Variants in RAB9A observed in about 807,000 individuals in gnomAD.
RAB9A encodes the protein RAB9A, member RAS oncogene family.
A neutral mutation model predicts 10.3 loss-of-function variants in RAB9A; 1 was observed. The observed-to-expected ratio is 0.10, with a 90% CI of 0.03 to 0.46. The LOEUF (loss-of-function observed/expected upper bound fraction) is 0.46. Among genes scored for constraint, RAB9A ranks in the 20% least tolerant of loss-of-function variants. The pLI, the probability that RAB9A is intolerant of heterozygous loss-of-function variation, is 0.96. For synonymous variants in RAB9A, 39 were observed against 55.2 expected (o/e 0.71, Z 1.30); for missense variants, 92 against 150.3 (o/e 0.61, Z 2.03).
chrX:13,692,587 T>G (rs1479661771), intron 1 of RAB9A, among the ~76,000 whole-genome samples: 2 of 112,302 alleles, frequency 1.8e-5, no homozygotes, highest in Non-Finnish European at 3.8e-5. Flanking sequence ...AATTTTTTAA[T>G]GGCTTTTCCA....
chrX:13,695,871 CTA>C (rs2061614748), intron 1 of RAB9A, among the ~76,000 whole-genome samples: 1 of 111,089 alleles, frequency 9.0e-6, no homozygotes, highest in African/African-American at 3.3e-5. Context: ...AGGGAGCTGT[CTA>C]TGTTGAAGAA....
chrX:13,709,133 C>T lies in RAB9A; in HGVS notation c.387C>T (p.Ser129=), dbSNP rs1204526011. Residue 129 remains serine, a synonymous_variant, in exon 3 of 3, where the codon AGC becomes AGT. Coordinates refer to ENST00000464506, the MANE Select transcript of RAB9A (RefSeq NM_004251.5). ...TTCTGGGTAACAAGATTGACATAAGCGAACGGCAGGTGTCTACAGAAGAAG... is the reference window on the plus strand; with the variant it reads ...TTCTGGGTAACAAGATTGACATAAGTGAACGGCAGGTGTCTACAGAAGAAG... ...FVILGNKIDI[S]ERQVSTEEAQ... is the part of the protein sequence containing the mutation. The T allele has an allele frequency of 8.3e-6, 10 of 1,209,851 alleles. No homozygotes were observed. Among genetic ancestry groups the T allele is most frequent in the Admixed American group, 4.4e-5 (2 of 45,688 alleles).
intron 1 of RAB9A, among the ~76,000 whole-genome samples, chrX:13,698,190 C>CTTTTTTTTTTTTTTTTTTT (rs67802719): frequency 5.2e-5 from 2 of 38,351 alleles, no homozygotes; most frequent in Non-Finnish European, 9.3e-5. Flanking sequence ...TCTTTTTTTT[C>CTTTTTTTTTTTTTTTTTTT]TTTTTTTTTT....
chrX:13,697,609 A>C (rs1025301413), intron 1 of RAB9A, among the ~76,000 whole-genome samples: 2 of 112,263 alleles, frequency 1.8e-5, no homozygotes, highest in African/African-American at 6.5e-5. Context: ...TTTATGGTCA[A>C]AGTGTGATAT....
intron 1 of RAB9A, among the ~76,000 whole-genome samples, chrX:13,696,925 T>C (rs950999611): frequency 1.3e-4 from 15 of 112,103 alleles, no homozygotes; most frequent in African/African-American, 4.5e-4. Flanking sequence ...CTGAACTTGA[T>C]GAAGAGCTGC....
Position 13,708,492 on chromosome X carries a change from G to A in RAB9A, c.-26-229G>A, listed in dbSNP as rs1305684903. ...CTTGGGCTTGAGTGCCAGCTTCACA[G>A]TCAACTGTGACCTGAGAAAAGGGAA... On this transcript the variant is annotated intron_variant, in intron 2 of 2. Transcript: ENST00000464506. 4.5e-5 allele frequency among the ~76,000 whole-genome samples: 5 copies of A among 111,312 alleles called. No homozygotes were observed. In the East Asian group the frequency reaches 1.4e-3, roughly 31 times the overall value.
chrX:13,704,449 C>G (rs2046188415), intron 2 of RAB9A, among the ~76,000 whole-genome samples: 1 of 111,448 alleles, frequency 9.0e-6, no homozygotes. Flanking sequence ...AGATACTGTA[C>G]TTTAACATTT....
rs999197916 is a variant in RAB9A, at chrX:13,708,011, C to T, written c.-26-710C>T. On this transcript the variant is annotated intron_variant, in intron 2 of 2. Transcript: ENST00000464506. ...AACACCATCACTGTGCACTGAAGGG[C>T]TGTTTGAAGTTGTTAAGAGAAACAT... 4.5e-5 allele frequency among the ~76,000 whole-genome samples: 5 copies of T among 111,051 alleles called. No individual in the cohort carries two copies. In the East Asian group the frequency reaches 1.4e-3, roughly 32 times the overall value.
At position 13,710,044 on chromosome X, in the gene RAB9A, T is replaced by A. The variant is rs1371016922; in HGVS notation, c.*692T>A. ...CAGTCTGTAATACATCCAGCTAAAT[T>A]CAAGTTGTCTATGAATGGAAAGCCT... On this transcript the variant is annotated 3_prime_UTR_variant, in exon 3 of 3. Transcript: ENST00000464506. The A allele has an allele frequency of 8.1e-6, 1 of 123,460 alleles. No individual in the cohort carries two copies. Among genetic ancestry groups the A allele is most frequent in the Non-Finnish European group, 1.9e-5 (1 of 53,340 alleles). The allele number at this position is 123,460 out of a possible 1,213,427, so 10.2% of individuals were successfully genotyped here.
chrX:13,690,059 C>T (rs4528031), intron 1 of RAB9A, among the ~76,000 whole-genome samples: 49,693 of 106,565 alleles, frequency 0.47, 8,867 homozygotes, highest in South Asian at 0.67. Context: ...GGCACGTGAC[C>T]ACAATCTTTT....
chrX:13,690,362 G>A (rs2046115238), intron 1 of RAB9A, among the ~76,000 whole-genome samples: 1 of 112,294 alleles, frequency 8.9e-6, no homozygotes, highest in Non-Finnish European at 1.9e-5. Context: ...AGACAATGCT[G>A]TGGCAGTCTG....
At chrX:13,694,785 G>A (rs1419326571) in intron 1 of RAB9A, among the ~76,000 whole-genome samples, 3 of 111,717 alleles carry the variant, frequency 2.7e-5, no homozygotes, top group South Asian at 3.7e-4. Context: ...ATCAAAGTCC[G>A]TTTTTAATTC....
At chrX:13,702,609 G>T (rs1418596056) in intron 1 of RAB9A, among the ~76,000 whole-genome samples, 4 of 111,976 alleles carry the variant, frequency 3.6e-5, no homozygotes, top group African/African-American at 1.3e-4. Context: ...ATGGACTCAG[G>T]CAACTCCGTA....
At chrX:13,695,573 C>T (rs993061050) in intron 1 of RAB9A, among the ~76,000 whole-genome samples, 5 of 111,907 alleles carry the variant, frequency 4.5e-5, no homozygotes, top group African/African-American at 1.3e-4. Context: ...ATAGGTAGTG[C>T]GAAAAGTGGA....
intron 1 of RAB9A, among the ~76,000 whole-genome samples, chrX:13,697,610 A>G (rs2046152941): frequency 8.9e-6 from 1 of 112,316 alleles, no homozygotes; most frequent in Admixed American, 9.4e-5. Flanking sequence ...TTATGGTCAA[A>G]GTGTGATATT....
chrX:13,690,671 TC>T (rs1291964925), intron 1 of RAB9A, among the ~76,000 whole-genome samples: 4 of 112,094 alleles, frequency 3.6e-5, no homozygotes, highest in Non-Finnish European at 7.5e-5. Context: ...AAAGAGAAGA[TC>T]CTTGAGTTCT....
intron 1 of RAB9A, among the ~76,000 whole-genome samples, chrX:13,693,557 T>A (rs780994436): frequency 6.3e-5 from 7 of 111,546 alleles, no homozygotes; most frequent in Non-Finnish European, 9.4e-5. Flanking sequence ...GGAGGAGAAA[T>A]CTCTGTTTCT....
chrX:13,700,400 A>G (rs1317823942), intron 1 of RAB9A, among the ~76,000 whole-genome samples: 3 of 112,249 alleles, frequency 2.7e-5, no homozygotes, highest in African/African-American at 3.2e-5. Flanking sequence ...AATTGATAGT[A>G]TAAGATAAAA....
rs1289529497 is a variant in RAB9A, at chrX:13,709,404, A to G, written c.*52A>G. Reference sequence around the variant, plus strand: ...CAACTCACACATATACACAAAATCAACATGGGGATGGAGAAGAGAATTAGC... The same window carrying G: ...CAACTCACACATATACACAAAATCAGCATGGGGATGGAGAAGAGAATTAGC... On this transcript the variant is annotated 3_prime_UTR_variant, in exon 3 of 3. Transcript: ENST00000464506. 10 of 1,127,065 alleles carry G rather than the reference A, an allele frequency of 8.9e-6. No homozygotes were observed. The highest frequency in any genetic ancestry group is 1.2e-5 in the Non-Finnish European group (10 of 843,242). The allele number at this position is 1,127,065 out of a possible 1,213,427, so 92.9% of individuals were successfully genotyped here.
Sources: allele counts gnomAD v4.1 joint callset (sites outside exome capture counted in the v4.1 genomes callset), GRCh38; gene constraint gnomAD v4.1.1; transcripts MANE v1.5; gene names NCBI Gene and HGNC (gene_info 2026-07-23, HGNC 2026-07-21).